The following MOB3B variants were observed in gnomAD, a reference collection of about 807,000 sequenced individuals.
The protein encoded by MOB3B is MOB kinase activator 3B.
Under a neutral mutation model 18.7 loss-of-function variants are expected in MOB3B, and 7 were observed. The ratio of observed to expected loss-of-function variants is 0.37; its 90% CI spans 0.21 to 0.70. The LOEUF (loss-of-function observed/expected upper bound fraction) is 0.70. Among genes scored for constraint, MOB3B ranks in the 30% least tolerant of loss-of-function variants. The probability of loss-of-function intolerance (pLI) is 0.52; values close to 1 mark genes in which losing one functional copy is unlikely to be tolerated. For synonymous variants in MOB3B, 111 were observed against 99.9 expected, an observed-to-expected ratio of 1.11 and a Z score of -0.66; for missense variants, 253 against 281.3, an observed-to-expected ratio of 0.90 and a Z score of 0.72.
chr9:27,370,473 A>G (rs572410335), intron 2 of MOB3B, among the ~76,000 whole-genome samples: 7 of 146,558 alleles, frequency 4.8e-5, no homozygotes, highest in African/African-American at 1.5e-4. Flanking sequence ...GTACCATTGC[A>G]CTCCAGACTG....
At chr9:27,400,933 G>T (rs1277920602) in intron 2 of MOB3B, among the ~76,000 whole-genome samples, 2 of 152,180 alleles carry the variant, frequency 1.3e-5, no homozygotes, top group Non-Finnish European at 2.9e-5. Context: ...ACATCACAAG[G>T]TTCCTCATTT....
At position 27,419,987 on chromosome 9, in the gene MOB3B, G is replaced by T. The variant is rs151296144; in HGVS notation, c.418+35146C>A. On this transcript the variant is annotated intron_variant, in intron 2 of 3. Coordinates refer to ENST00000262244, the MANE Select transcript of MOB3B (RefSeq NM_024761.5). ...AAAACAAACAATCCCTTGAAAAAGT[G>T]GGCTAAGCACATGAATAGACAATTC... Among the ~76,000 whole-genome samples the T allele has an allele frequency of 9.9e-5, 15 of 152,096 alleles. No homozygotes were observed. The East Asian group carries it at 2.7e-3, about 27-fold the overall frequency.
At chr9:27,359,847 C>G (rs376953761) in intron 2 of MOB3B, among the ~76,000 whole-genome samples, 1 of 152,204 alleles carries the variant, frequency 6.6e-6, no homozygotes, top group Non-Finnish European at 1.5e-5. Context: ...CCACTACTCC[C>G]AGCTCAGTAA....
chr9:27,496,805 A>G (rs1819907947), intron 1 of MOB3B, among the ~76,000 whole-genome samples: 1 of 152,208 alleles, frequency 6.6e-6, no homozygotes, highest in Non-Finnish European at 1.5e-5. Flanking sequence ...GCACTCCTAC[A>G]GCCTCATTAT....
chr9:27,453,853 CA>C (rs1822830441), intron 2 of MOB3B, among the ~76,000 whole-genome samples: 1 of 152,140 alleles, frequency 6.6e-6, no homozygotes, highest in South Asian at 2.1e-4. Flanking sequence ...ATGAAAAGTG[CA>C]AAAGACATGA....
chr9:27,365,911 C>T (rs562784965), intron 2 of MOB3B, among the ~76,000 whole-genome samples: 4 of 152,300 alleles, frequency 2.6e-5, no homozygotes, highest in East Asian at 1.9e-4. Flanking sequence ...TTTTGGAGTG[C>T]GCCGAGGCAA....
At chr9:27,360,350 A>G (rs553581567) in intron 2 of MOB3B, among the ~76,000 whole-genome samples, 1 of 152,206 alleles carries the variant, frequency 6.6e-6, no homozygotes, top group East Asian at 1.9e-4. Flanking sequence ...CTAAAAATAC[A>G]AAAAAATTAG....
At chr9:27,508,491 C>T (rs1537712) in intron 1 of MOB3B, among the ~76,000 whole-genome samples, 44,373 of 151,936 alleles carry the variant, frequency 0.29, 6,622 homozygotes, top group Middle Eastern at 0.36. Context: ...GAAGCACTTC[C>T]AGAAAAAATA....
intron 1 of MOB3B, among the ~76,000 whole-genome samples, chr9:27,490,861 T>G (rs1819805783): frequency 6.6e-6 from 1 of 151,998 alleles, no homozygotes; most frequent in Non-Finnish European, 1.5e-5. Flanking sequence ...ATGGGTAGCT[T>G]AAAAGAGGGT....
In MOB3B at chr9:27,327,553, C is replaced by T. The variant is rs1281429893; in HGVS notation, c.*3034G>A. The T allele has an allele frequency of 6.6e-6, 1 of 151,694 alleles. No homozygotes were observed. The highest frequency in any genetic ancestry group is 1.5e-5 in the Non-Finnish European group (1 of 67,880). The allele number at this position is 151,694 out of a possible 1,614,324, so 9.4% of individuals were successfully genotyped here. ...TGTCAGTGTCATGAAAGACACACCA[C>T]ACACACACACACTGCACATCATACA... On this transcript the variant is annotated 3_prime_UTR_variant, in exon 4 of 4. Coordinates refer to ENST00000262244, the MANE Select transcript of MOB3B (RefSeq NM_024761.5).
At chr9:27,375,375 T>C (rs988656595) in intron 2 of MOB3B, among the ~76,000 whole-genome samples, 9 of 152,228 alleles carry the variant, frequency 5.9e-5, no homozygotes, top group Admixed American at 6.5e-5. Context: ...CTGGGGATGA[T>C]GAAGGCACAT....
intron 2 of MOB3B, among the ~76,000 whole-genome samples, chr9:27,410,041 GC>G (rs1160312989): frequency 6.6e-6 from 1 of 152,152 alleles, no homozygotes; most frequent in Non-Finnish European, 1.5e-5. Flanking sequence ...TGTGTTTAAT[GC>G]CACTGAATTG....
At chr9:27,331,315 T>C (rs1480393214) in intron 3 of MOB3B, among the ~76,000 whole-genome samples, 1 of 152,148 alleles carries the variant, frequency 6.6e-6, no homozygotes, top group Non-Finnish European at 1.5e-5. Context: ...TCTTCATTTG[T>C]CAAATTGCCA....
chr9:27,436,294 A>G (rs1419793163), intron 2 of MOB3B, among the ~76,000 whole-genome samples: 2 of 152,202 alleles, frequency 1.3e-5, no homozygotes, highest in Non-Finnish European at 2.9e-5. Context: ...TCATTCATCA[A>G]CTTATACAAA....
At chr9:27,399,682 T>A (rs147152625) in intron 2 of MOB3B, among the ~76,000 whole-genome samples, 29 of 152,302 alleles carry the variant, frequency 1.9e-4, no homozygotes, top group African/African-American at 6.7e-4. Context: ...CAGAGTGATA[T>A]AAACTCCCAA....
chr9:27,410,746 A>G (rs1406744632), intron 2 of MOB3B, among the ~76,000 whole-genome samples: 1 of 151,344 alleles, frequency 6.6e-6, no homozygotes, highest in Non-Finnish European at 1.5e-5. Flanking sequence ...TTAAAATGAA[A>G]GTTATTCTTT....
At chr9:27,469,029 C>A (rs1413091526) in intron 1 of MOB3B, among the ~76,000 whole-genome samples, 1 of 152,090 alleles carries the variant, frequency 6.6e-6, no homozygotes, top group Non-Finnish European at 1.5e-5. Flanking sequence ...CTTTGCAATA[C>A]CACGCAAAGA....
In MOB3B at chr9:27,399,036, A is replaced by G. The variant is rs545663103; in HGVS notation, c.419-39800T>C. Among the ~76,000 whole-genome samples the G allele has an allele frequency of 3.9e-5, 6 of 152,238 alleles. No homozygotes were observed. The South Asian group carries it at 8.3e-4, about 21-fold the overall frequency. ...AAACAGACTCTTTCAAATATTTAAA[A>G]TATTGAGTCCCCAAGTGGAGGTCAA... On this transcript the variant is annotated intron_variant, in intron 2 of 3. Transcript: ENST00000262244.
chr9:27,391,875 G>T (rs893379390), intron 2 of MOB3B: 1 of 152,226 alleles, frequency 6.6e-6, no homozygotes, highest in African/African-American at 2.4e-5. Context: ...CAAATAAGAT[G>T]ATTCTGCTCC....
Sources: gnomAD v4.1 joint callset for allele counts (sites outside exome capture counted in the v4.1 genomes callset) on GRCh38, gnomAD v4.1.1 for gene constraint, MANE v1.5 for transcripts, NCBI Gene and HGNC (gene_info 2026-07-23, HGNC 2026-07-21) for gene names.